The following BFSP1 variants were observed in gnomAD, a reference collection of about 807,000 sequenced individuals.
The protein encoded by BFSP1 is filensin.
Under a neutral mutation model 43.9 loss-of-function variants are expected in BFSP1, and 38 were observed. The ratio of observed to expected loss-of-function variants is 0.87; its 90% confidence interval spans 0.67 to 1.14. The LOEUF is 1.14. Ranked by LOEUF, BFSP1 falls within the 50% of genes most tolerant of loss-of-function variation. BFSP1 has a pLI of 0.00. For missense variants in BFSP1, 850 were observed against 875.1 expected (o/e 0.97, Z 0.36); for synonymous variants, 352 against 354.8 (o/e 0.99, Z 0.09).
chr20:17,542,716 AAG>A (rs1293680202), intron 1 of BFSP1, among the ~76,000 whole-genome samples: 2 of 152,212 alleles, frequency 1.3e-5, no homozygotes, highest in East Asian at 3.9e-4. Flanking sequence ...ATTAAGCTCA[AAG>A]AGAGTCTTCC....
chr20:17,505,141 C>T (rs1228802627), intron 5 of BFSP1, among the ~76,000 whole-genome samples: 2 of 152,208 alleles, frequency 1.3e-5, no homozygotes, highest in African/African-American at 4.8e-5. Flanking sequence ...GTCCTTTCCT[C>T]TCCACCTGTC....
At chr20:17,509,869 A>C (rs1017250436) in intron 4 of BFSP1, among the ~76,000 whole-genome samples, 2 of 152,126 alleles carry the variant, frequency 1.3e-5, no homozygotes, top group African/African-American at 4.8e-5. Context: ...AAAATATTCA[A>C]ATTGTTTCAC....
chr20:17,496,344 C>T (rs748088005), intron 7 of BFSP1, among the ~76,000 whole-genome samples: 1 of 152,214 alleles, frequency 6.6e-6, no homozygotes, highest in Non-Finnish European at 1.5e-5. Context: ...AAATGCTGCG[C>T]TTGTTCAGAA....
upstream of BFSP1, chr20:17,531,510 C>A (rs2034541349): frequency 1.1e-6 from 1 of 943,130 alleles, no homozygotes; most frequent in Non-Finnish European, 1.4e-6. Context: ...AGAGCAGCGG[C>A]CCGCTTTGTG....
upstream of BFSP1, among the ~76,000 whole-genome samples, chr20:17,560,099 C>CTGCT (rs2035053603): frequency 6.6e-6 from 1 of 152,008 alleles, no homozygotes; most frequent in Non-Finnish European, 1.5e-5. Context: ...GACATCCCTC[C>CTGCT]TGCTACCCCC....
At chr20:17,526,635 G>T (rs190005293) in intron 1 of BFSP1, among the ~76,000 whole-genome samples, 8 of 152,290 alleles carry the variant, frequency 5.3e-5, no homozygotes, top group African/African-American at 1.9e-4. Flanking sequence ...ACACGTATAT[G>T]CAAGTAGCTA....
chr20:17,568,049 A>C (rs2035142889), intron 1 of BFSP1, among the ~76,000 whole-genome samples: 1 of 152,052 alleles, frequency 6.6e-6, no homozygotes, highest in African/African-American at 2.4e-5. Context: ...AGGCTGAAAA[A>C]ATAAGCAGGC....
At chr20:17,533,328 G>A (rs181658886), upstream of BFSP1, among the ~76,000 whole-genome samples, 3 of 152,124 alleles carry the variant, frequency 2.0e-5, no homozygotes, top group South Asian at 2.1e-4. Flanking sequence ...GCTTCCTCAC[G>A]AGAGCAAAAC....
chr20:17,535,351 A>G (rs903227898), upstream of BFSP1, among the ~76,000 whole-genome samples: 1 of 152,162 alleles, frequency 6.6e-6, no homozygotes, highest in African/African-American at 2.4e-5. Context: ...CAACATGGTG[A>G]AACCCCATCT....
chr20:17,504,442 C>G (rs559195370), intron 5 of BFSP1, among the ~76,000 whole-genome samples: 152 of 152,256 alleles, frequency 1.0e-3, no homozygotes, highest in Non-Finnish European at 1.5e-3. Context: ...CCACTGCCAC[C>G]CAGCACCAGC....
intron 6 of BFSP1, among the ~76,000 whole-genome samples, chr20:17,497,991 A>G (rs962327096): frequency 1.3e-5 from 2 of 152,192 alleles, no homozygotes; most frequent in African/African-American, 4.8e-5. Context: ...ATGTGGAATC[A>G]TGCCAGATAC....
At position 17,507,972 on chromosome 20, in the gene BFSP1, C is replaced by T. The variant is rs2033981919; in HGVS notation, c.735+917G>A. On this transcript the variant is annotated intron_variant, in intron 5 of 7. Transcript: ENST00000377873. The surrounding 1 kb of genome is among the most constrained non-coding windows in gnomAD (Gnocchi z 4.4). ...GAAATCCTGAGCAGACATGGGGGCA[C>T]TGGAAATCAATAAAAAGCGCTACAT... is the stretch of plus-strand genomic sequence containing the variant. Among the ~76,000 whole-genome samples the T allele has an allele frequency of 6.6e-6, 1 of 152,134 alleles. No individual in the cohort carries two copies. Among genetic ancestry groups the T allele is most frequent in the Admixed American group, 6.5e-5 (1 of 15,276 alleles).
rs1331552045 is a variant in BFSP1 at position 17,518,199 on chromosome 20, G to C, written c.439-3383C>G. Among the ~76,000 whole-genome samples, 8 of 152,210 alleles carry C rather than the reference G, an allele frequency of 5.3e-5. No individual in the cohort carries two copies. In the East Asian group the frequency reaches 1.5e-3, roughly 29 times the overall value. On this transcript the variant is annotated intron_variant, in intron 2 of 7. Coordinates refer to ENST00000377873, the MANE Select transcript of BFSP1 (RefSeq NM_001195.5). The stretch of plus-strand genomic sequence containing the variant: ...TTTTTGTTTTAAATCAGAAATAAAA[G>C]AATGAACCAAATTACAAAAAGGGAC...
chr20:17,520,394 A>C (rs6044860), intron 2 of BFSP1, among the ~76,000 whole-genome samples: 2 of 152,354 alleles, frequency 1.3e-5, no homozygotes, highest in African/African-American at 4.8e-5. Flanking sequence ...AAAGGAAAAA[A>C]AACAGCCTTG....
At chr20:17,510,516 G>A (rs1340461929) in intron 4 of BFSP1, among the ~76,000 whole-genome samples, 1 of 152,118 alleles carries the variant, frequency 6.6e-6, no homozygotes, top group African/African-American at 2.4e-5. Flanking sequence ...GGTAACTGGT[G>A]GGCAATTCAG....
upstream of BFSP1, among the ~76,000 whole-genome samples, chr20:17,533,696 G>C (rs577245314): frequency 6.6e-6 from 1 of 152,340 alleles, no homozygotes; most frequent in South Asian, 2.1e-4. Context: ...CCTGGCAAGG[G>C]TGTGGGTGGA....
intron 1 of BFSP1, chr20:17,541,274 G>T: frequency 3.1e-6 from 3 of 982,644 alleles, no homozygotes; most frequent in Non-Finnish European, 3.6e-6. Flanking sequence ...CATGTTGGGA[G>T]GTTTGTCATG....
Position 17,531,205 on chromosome 20 carries a change from G to T in BFSP1, c.125C>A (p.Ala42Glu), listed in dbSNP as rs1030127643. The T allele has an allele frequency of 2.3e-6, 3 of 1,317,792 alleles. No individual in the cohort carries two copies. Among genetic ancestry groups the T allele is most frequent in the East Asian group, 3.2e-5 (1 of 31,020 alleles). The allele number at this position is 1,317,792 out of a possible 1,614,324, so 81.6% of individuals were successfully genotyped here. ...DEGWAGATSL[A>E]ALQGLGERVA... ...GCGCTCGCCGAGCCCCTGCAGCGCC[G>T]CCAGGCTCGTTGCCCCAGCCCAGCC... is the stretch of plus-strand genomic sequence containing the variant. Residue 42 changes from alanine (A) to glutamate (E), a missense_variant, in exon 1 of 8, where the codon GCG becomes GAG. Transcript: ENST00000377873.
At chr20:17,545,309 G>A (rs776443718) in intron 1 of BFSP1, among the ~76,000 whole-genome samples, 5 of 152,212 alleles carry the variant, frequency 3.3e-5, no homozygotes, top group Non-Finnish European at 5.9e-5. Flanking sequence ...GGCATAACTG[G>A]TTGTGATGGT....
Sources: allele counts gnomAD v4.1 joint callset (sites outside exome capture counted in the v4.1 genomes callset), GRCh38; gene constraint gnomAD v4.1.1; non-coding constraint Gnocchi (gnomAD v3.1); transcripts MANE v1.5; gene names NCBI Gene and HGNC (gene_info 2026-07-23, HGNC 2026-07-21).